Variants in FAM204A observed in about 807,000 individuals in gnomAD.
FAM204A encodes the protein family with sequence similarity 204 member A.
FAM204A carries 16 observed loss-of-function variants against 35.4 expected under a neutral mutation model. That is an observed-to-expected ratio of 0.45 (90% CI 0.31 to 0.69). FAM204A has a LOEUF of 0.69. Ranked by LOEUF, FAM204A falls within the 30% of genes least tolerant of loss-of-function variation. FAM204A has a pLI of 0.07. For synonymous variants in FAM204A, 76 were observed against 86.9 expected, an observed-to-expected ratio of 0.88 and a Z score of 0.70; for missense variants, 240 against 265.7, an observed-to-expected ratio of 0.90 and a Z score of 0.67.
At chr10:118,322,261 G>C (rs1427310462) in intron 7 of FAM204A, 4 of 447,242 alleles carry the variant, frequency 8.9e-6, no homozygotes, top group East Asian at 1.4e-4. Context: ...TTATTCCAAA[G>C]AAAGAAACAA....
chr10:118,310,779 C>G lies in FAM204A; in HGVS notation c.*78G>C. 1.6e-6 allele frequency: 2 copies of G among 1,224,228 alleles called. No homozygotes were observed. Among genetic ancestry groups the G allele is most frequent in the Non-Finnish European group, 2.3e-6 (2 of 855,770 alleles). 75.8% of individuals were successfully genotyped at this position (1,224,228 alleles called of 1,614,324 possible). Reference sequence around the variant, plus strand: ...TGTTTTAGTGCTATCAATTTTCTGACATATTAACATAGGCAGGAAAACATT... The same window carrying G: ...TGTTTTAGTGCTATCAATTTTCTGAGATATTAACATAGGCAGGAAAACATT... On this transcript the variant is annotated 3_prime_UTR_variant, in exon 9 of 9. Coordinates refer to ENST00000369183, the MANE Select transcript of FAM204A (RefSeq NM_022063.3).
chr10:118,332,035 A>G (rs145405015), intron 6 of FAM204A, among the ~76,000 whole-genome samples: 6,812 of 151,226 alleles, frequency 0.045, 210 homozygotes, highest in Non-Finnish European at 0.06. Flanking sequence ...TTAGCTGGGC[A>G]TGATGGCGCA....
At chr10:118,327,196 T>C (rs113424854) in intron 6 of FAM204A, among the ~76,000 whole-genome samples, 28 of 152,216 alleles carry the variant, frequency 1.8e-4, no homozygotes, top group African/African-American at 6.0e-4. Context: ...CTCCTCCTTA[T>C]TTCATAACAG....
rs1382304067 is a variant in FAM204A at position 118,303,228 on chromosome 10, AAAG to A, written c.*7626_*7628del. 19 of 152,216 alleles carry A rather than the reference AAAG, an allele frequency of 1.2e-4. No individual in the cohort carries two copies. Among genetic ancestry groups the A allele is most frequent in the Non-Finnish European group, 1.5e-4 (10 of 68,040 alleles). The allele number at this position is 152,216 out of a possible 1,614,324, so 9.4% of individuals were successfully genotyped here. ...AGAGCACTGTATGGGAAGAGTAATG[AAAG>A]AAGAATTTCAGATTTTCAATCTGCT... On this transcript the variant is annotated 3_prime_UTR_variant, in exon 9 of 9. Transcript: ENST00000369183.
intron 3 of FAM204A, 199 bp downstream of exon 3, chr10:118,335,983 C>A (rs768630358): frequency 1.7e-6 from 1 of 598,392 alleles, no homozygotes; most frequent in Admixed American, 3.6e-5. Flanking sequence ...TTTCCCCCTC[C>A]GTCTTTCTAT....
chr10:118,304,941 A>G lies in FAM204A; in HGVS notation c.*5916T>C, dbSNP rs193182499. 8 of 152,362 alleles carry G rather than the reference A, an allele frequency of 5.3e-5. No homozygotes were observed. Among genetic ancestry groups the G allele is most frequent in the Admixed American group, 1.3e-4 (2 of 15,312 alleles). The allele number at this position is 152,362 out of a possible 1,614,324, so 9.4% of individuals were successfully genotyped here. On this transcript the variant is annotated 3_prime_UTR_variant, in exon 9 of 9. Transcript: ENST00000369183. ...ACTAAAATTTCTTTCCTCCCAGTCT[A>G]TATTTTCCAGCTTCCCTTGTGGTTA...
chr10:118,320,670 A>C (rs1846099730), intron 7 of FAM204A, among the ~76,000 whole-genome samples: 3 of 152,062 alleles, frequency 2.0e-5, no homozygotes, highest in Admixed American at 2.0e-4. Context: ...TATTTAATCA[A>C]CAGGAGGGAC....
At chr10:118,312,957 G>A (rs1845976575) in intron 7 of FAM204A, among the ~76,000 whole-genome samples, 3 of 151,990 alleles carry the variant, frequency 2.0e-5, no homozygotes, top group Non-Finnish European at 4.4e-5. Flanking sequence ...TGTTCTTTTG[G>A]TTCTCTTTTC....
Position 118,298,605 on chromosome 10 carries a change from A to C in FAM204A, c.*12252T>G, listed in dbSNP as rs1845774308. On this transcript the variant is annotated 3_prime_UTR_variant, in exon 9 of 9. Coordinates refer to ENST00000369183, the MANE Select transcript of FAM204A (RefSeq NM_022063.3). ...GACATCCACTCTTTGCCGATAGAGA[A>C]ACTTGCTTCAGGACAAGATCTAGCT... 2 of 152,220 alleles carry C rather than the reference A, an allele frequency of 1.3e-5. No individual in the cohort carries two copies. The highest frequency in any genetic ancestry group is 2.9e-5 in the Non-Finnish European group (2 of 68,036). The allele number at this position is 152,220 out of a possible 1,614,324, so 9.4% of individuals were successfully genotyped here.
chr10:118,337,398 T>C (rs1372992171), intron 2 of FAM204A, among the ~76,000 whole-genome samples: 2 of 152,186 alleles, frequency 1.3e-5, no homozygotes, highest in East Asian at 1.9e-4. Context: ...CTGTCCCATA[T>C]TGTGATTAAC....
At chr10:118,341,527 C>T (rs925507711) in intron 2 of FAM204A, among the ~76,000 whole-genome samples, 200 bp downstream of exon 2, 5 of 152,324 alleles carry the variant, frequency 3.3e-5, no homozygotes, top group East Asian at 3.9e-4. Context: ...AACTGAATTA[C>T]AGGCCTGAGA....
chr10:118,332,349 T>C (rs754536187), intron 6 of FAM204A, among the ~76,000 whole-genome samples: 30 of 151,974 alleles, frequency 2.0e-4, no homozygotes, highest in Non-Finnish European at 4.0e-4. Context: ...AGAATAACAC[T>C]GGACCTATCA....
At chr10:118,340,294 T>A (rs894857031) in intron 2 of FAM204A, among the ~76,000 whole-genome samples, 3 of 152,154 alleles carry the variant, frequency 2.0e-5, no homozygotes, top group Non-Finnish European at 4.4e-5. Context: ...CCGTTCTAGA[T>A]TGTGCACTGG....
At position 118,311,579 on chromosome 10, in the gene FAM204A, G is replaced by A. The variant is rs1845952965; in HGVS notation, c.544-266C>T. 4 of 315,974 alleles carry A rather than the reference G, an allele frequency of 1.3e-5. No individual in the cohort carries two copies. The South Asian group carries it at 2.2e-4, about 18-fold the overall frequency. 19.6% of individuals were successfully genotyped at this position (315,974 alleles called of 1,614,324 possible). A position where few individuals can be genotyped will look rare whatever the true frequency, so the allele number is the denominator to read the frequency against. The stretch of plus-strand genomic sequence containing the variant: ...CTGAGGCCCCTCGAGGGTCCACAAA[G>A]GTAGTAATGAGGATCTTCAAGCTAT... On this transcript the variant is annotated intron_variant, in intron 7 of 8. Transcript: ENST00000369183.
Position 118,306,510 on chromosome 10 carries a change from G to C in FAM204A, c.*4347C>G, listed in dbSNP as rs1450307416. ...AAAAGATATTCCTCAGCTAATTCTTGATTTACATGCACATCTAAAAACATA... is the reference window on the plus strand; with the variant it reads ...AAAAGATATTCCTCAGCTAATTCTTCATTTACATGCACATCTAAAAACATA... On this transcript the variant is annotated 3_prime_UTR_variant, in exon 9 of 9. Transcript: ENST00000369183. 6.6e-6 allele frequency: 1 copy of C among 152,170 alleles called. No homozygotes were observed. The highest frequency in any genetic ancestry group is 1.5e-5 in the Non-Finnish European group (1 of 68,036). 9.4% of individuals were successfully genotyped at this position (152,170 alleles called of 1,614,324 possible).
intron 6 of FAM204A, among the ~76,000 whole-genome samples, chr10:118,332,362 C>T (rs1203548880): frequency 2.0e-5 from 3 of 151,694 alleles, no homozygotes; most frequent in Non-Finnish European, 2.9e-5. Context: ...ACCTATCAAC[C>T]TACCCCACGG....
rs367649735 is a variant in FAM204A at position 118,326,223 on chromosome 10, T to C, written c.474A>G (p.Ile158Met). ...KVEKSGLEKR[I>M]DQAVEEWNIE... ...TATTCCACTCCTCCACAGCCTGGTC[T>C]ATCCTCTTTTCAAGGCCTGACTAGA... The change falls in exon 7 of 9, where the codon ATA (isoleucine) becomes ATG (methionine). Residue 158 changes from isoleucine to methionine, a missense_variant. Coordinates refer to ENST00000369183, the MANE Select transcript of FAM204A (RefSeq NM_022063.3). 14 of 1,613,470 alleles carry C rather than the reference T, an allele frequency of 8.7e-6. No individual in the cohort carries two copies. The African/African-American group carries it at 1.6e-4, about 18-fold the overall frequency.
intron 7 of FAM204A, among the ~76,000 whole-genome samples, chr10:118,325,685 C>T (rs538382443): frequency 9.1e-4 from 138 of 151,958 alleles, no homozygotes; most frequent in African/African-American, 3.1e-3. Flanking sequence ...TAGTTTTATA[C>T]TATAGAAAAA....
Position 118,341,901 on chromosome 10 carries a change from G to A in FAM204A, c.-183C>T, listed in dbSNP as rs898341120. On this transcript the variant is annotated 5_prime_UTR_variant, in exon 2 of 9. Transcript: ENST00000369183. ...TGCACATTCCGGCGAAGGATGTCTA[G>A]CCTGCTGGCAGTCCCATTAACTGGA... 5.9e-5 allele frequency: 9 copies of A among 152,348 alleles called. No homozygotes were observed. Among genetic ancestry groups the A allele is most frequent in the African/African-American group, 1.9e-4 (8 of 41,562 alleles). 9.4% of individuals were successfully genotyped at this position (152,348 alleles called of 1,614,324 possible).
Sources: gnomAD v4.1 joint callset for allele counts (sites outside exome capture counted in the v4.1 genomes callset) on GRCh38, gnomAD v4.1.1 for gene constraint, MANE v1.5 for transcripts, NCBI Gene and HGNC (gene_info 2026-07-23, HGNC 2026-07-21) for gene names.